Variants in NTM observed in about 807,000 individuals in gnomAD.
NTM encodes IgLON family member 2.
In NTM, 13 loss-of-function variants were observed where a neutral mutation model predicts 42.1. The ratio of observed to expected loss-of-function variants is 0.31; its 90% CI spans 0.20 to 0.49. The LOEUF is 0.49. Among genes scored for constraint, NTM ranks in the 20% least tolerant of loss-of-function variants. The pLI is 0.99. For missense variants in NTM, 373 were observed against 452.8 expected (o/e 0.82, Z 1.60); for synonymous variants, 187 against 179.2 (o/e 1.04, Z -0.35).
rs535603431 is a variant in NTM at position 131,461,333 on chromosome 11, C to T, written c.82+90445C>T. ...ATACAGAAATCTCAGAAAAGCATCT[C>T]ATGAATTCTTGTAACTTCCATGTCT... On this transcript the variant is annotated intron_variant, in intron 1 of 8. Coordinates refer to ENST00000683400, the MANE Select transcript of NTM (RefSeq NM_001352005.2). 4.6e-5 allele frequency among the ~76,000 whole-genome samples: 7 copies of T among 152,332 alleles called. No individual in the cohort carries two copies. In the South Asian group the frequency reaches 1.5e-3, roughly 32 times the overall value.
At chr11:131,417,420 A>G (rs1191392993) in intron 1 of NTM, among the ~76,000 whole-genome samples, 1 of 152,180 alleles carries the variant, frequency 6.6e-6, no homozygotes, top group African/African-American at 2.4e-5. Context: ...CTTGTTATTT[A>G]GTATTAGTGG....
rs1849734196 is a variant in NTM at position 132,003,107 on chromosome 11, T to C, written c.167+91459T>C. ...CAGTTGTGTGTGTAATTGACTTTTA[T>C]AGTCAATTCTGCTTATATTTCCTCC... is the stretch of plus-strand genomic sequence containing the variant. On this transcript the variant is annotated intron_variant, in intron 2 of 8. Coordinates refer to ENST00000683400, the MANE Select transcript of NTM (RefSeq NM_001352005.2). The surrounding 1 kb of genome is among the most constrained non-coding windows in gnomAD (Gnocchi z 6.0). Among the ~76,000 whole-genome samples, 2 of 152,202 alleles carry C rather than the reference T, an allele frequency of 1.3e-5. No homozygotes were observed. Among genetic ancestry groups the C allele is most frequent in the African/African-American group, 2.4e-5 (1 of 41,440 alleles).
chr11:132,255,129 T>C (rs1335201535), intron 4 of NTM, among the ~76,000 whole-genome samples: 3 of 152,248 alleles, frequency 2.0e-5, no homozygotes, highest in African/African-American at 7.2e-5. Flanking sequence ...TGGTGGATGC[T>C]GTCAGTGGAG....
intron 2 of NTM, among the ~76,000 whole-genome samples, chr11:132,028,288 T>G (rs2075456786): frequency 6.6e-6 from 1 of 151,912 alleles, no homozygotes; most frequent in Admixed American, 6.6e-5. Context: ...GGTGGTACTT[T>G]TATCTTTAAA....
intron 1 of NTM, among the ~76,000 whole-genome samples, chr11:131,868,767 C>T (rs1437820817): frequency 6.6e-6 from 1 of 152,212 alleles, no homozygotes; most frequent in African/African-American, 2.4e-5. Flanking sequence ...CCCTATAAGG[C>T]TGTCCTGATG....
chr11:131,781,634 C>T (rs1187744570), intron 1 of NTM, among the ~76,000 whole-genome samples: 1 of 152,146 alleles, frequency 6.6e-6, no homozygotes, highest in Non-Finnish European at 1.5e-5. Context: ...AATTTTGCTT[C>T]TGGCAATGAG....
At chr11:132,196,962 A>G (rs1293831247) in intron 3 of NTM, among the ~76,000 whole-genome samples, 1 of 152,196 alleles carries the variant, frequency 6.6e-6, no homozygotes, top group African/African-American at 2.4e-5. Context: ...GAAAATAAAA[A>G]GCATCGAATC....
chr11:131,388,913 G>A (rs1943653915), intron 1 of NTM, among the ~76,000 whole-genome samples: 1 of 151,008 alleles, frequency 6.6e-6, no homozygotes, highest in Non-Finnish European at 1.5e-5. Context: ...TTGGGAGGCT[G>A]AGGCAGGAGA....
intron 1 of NTM, among the ~76,000 whole-genome samples, chr11:131,872,221 C>T (rs929543048): frequency 6.6e-6 from 1 of 152,208 alleles, no homozygotes; most frequent in Non-Finnish European, 1.5e-5. Context: ...AACTCAGGAG[C>T]TTGGGCCAGC....
At chr11:132,169,311 ATTTTTTTAC>A (rs2075764751) in intron 3 of NTM, among the ~76,000 whole-genome samples, 4 of 47,132 alleles carry the variant, frequency 8.5e-5, no homozygotes, top group Non-Finnish European at 2.0e-4. Context: ...TCTAGGTTTA[ATTTTTTTAC>A]TTTTTTTTTT....
intron 1 of NTM, among the ~76,000 whole-genome samples, chr11:131,401,847 TATATATATATATA>T (rs1945270270): frequency 1.9e-5 from 2 of 102,816 alleles, no homozygotes; most frequent in Admixed American, 1.0e-4. Context: ...TATATATATA[TATATATATATATA>T]TTTTAATTTA....
At chr11:131,734,731 CATT>C (rs1209905212) in intron 1 of NTM, among the ~76,000 whole-genome samples, 2 of 152,132 alleles carry the variant, frequency 1.3e-5, no homozygotes, top group Non-Finnish European at 2.9e-5. Context: ...CTATGAACAT[CATT>C]ATTAATAAAC....
At chr11:132,046,330 A>G (rs1236705329) in intron 2 of NTM, among the ~76,000 whole-genome samples, 1 of 132,900 alleles carries the variant, frequency 7.5e-6, no homozygotes, top group South Asian at 2.4e-4. Context: ...CATTCAATAG[A>G]TATTTGTTAA....
In NTM at chr11:131,447,449, C is replaced by T. The variant is rs542370087; in HGVS notation, c.82+76561C>T. Among the ~76,000 whole-genome samples, 32 of 152,228 alleles carry T rather than the reference C, an allele frequency of 2.1e-4. 1 individual carries two copies. The highest frequency in any genetic ancestry group is 1.3e-3 in the Admixed American group (20 of 15,288). ...ATCCCTGCTCTAATTTCAATTAGAG[C>T]GCTCCCTGTGGCCGTGCAGGCTGGG... On this transcript the variant is annotated intron_variant, in intron 1 of 8. Coordinates refer to ENST00000683400, the MANE Select transcript of NTM (RefSeq NM_001352005.2).
chr11:132,204,770 C>T (rs1054879836), intron 3 of NTM, among the ~76,000 whole-genome samples: 21 of 152,118 alleles, frequency 1.4e-4, no homozygotes, highest in African/African-American at 5.1e-4. Context: ...TTCATCTCTC[C>T]GTTCAGTGTG....
At chr11:131,960,240 T>A (rs1359165599) in intron 2 of NTM, among the ~76,000 whole-genome samples, 3 of 152,194 alleles carry the variant, frequency 2.0e-5, no homozygotes, top group African/African-American at 7.2e-5. Flanking sequence ...TTTACAGTTG[T>A]TGGGACCCTC....
chr11:131,795,750 G>A (rs1297838259), intron 1 of NTM: 2 of 985,238 alleles, frequency 2.0e-6, no homozygotes, highest in African/African-American at 1.7e-5. Context: ...AGTGGTTCAG[G>A]TCATGATACT....
chr11:132,211,314 T>C (rs941212535), intron 3 of NTM, among the ~76,000 whole-genome samples: 5 of 152,166 alleles, frequency 3.3e-5, no homozygotes, highest in Non-Finnish European at 7.3e-5. Context: ...GAGGTGGGAT[T>C]GTTTGAGCAT....
intron 1 of NTM, among the ~76,000 whole-genome samples, chr11:131,533,102 GT>G (rs2051548183): frequency 6.6e-6 from 1 of 152,072 alleles, no homozygotes; most frequent in African/African-American, 2.4e-5. Context: ...TGTTGTTCTT[GT>G]TCTTGTTCTT....
Sources: gnomAD v4.1 joint callset for allele counts (sites outside exome capture counted in the v4.1 genomes callset) on GRCh38, gnomAD v4.1.1 for gene constraint, Gnocchi (gnomAD v3.1) non-coding constraint, MANE v1.5 for transcripts, NCBI Gene and HGNC (gene_info 2026-07-23, HGNC 2026-07-21) for gene names.